Variants in CCDC149 observed in about 807,000 individuals in gnomAD.
CCDC149 encodes the protein coiled-coil domain containing 149.
In CCDC149, 45 loss-of-function variants were observed where a neutral mutation model predicts 59.9. The ratio of observed to expected loss-of-function variants is 0.75; its 90% CI spans 0.59 to 0.96. The LOEUF is 0.96. CCDC149 is among the 40% of genes least tolerant of loss of function. The pLI is 0.00. For synonymous variants in CCDC149, 245 were observed against 260.6 expected (o/e 0.94, Z 0.58); for missense variants, 584 against 664.7 (o/e 0.88, Z 1.33).
At chr4:24,909,449 C>A (rs1721741320) in intron 1 of CCDC149, among the ~76,000 whole-genome samples, 1 of 152,206 alleles carries the variant, frequency 6.6e-6, no homozygotes, top group African/African-American at 2.4e-5. Context: ...ACCCATGGAA[C>A]CCCTGCCAGC....
intron 1 of CCDC149, among the ~76,000 whole-genome samples, chr4:24,879,410 A>C (rs1357796683): frequency 6.6e-6 from 1 of 151,774 alleles, no homozygotes; most frequent in African/African-American, 2.4e-5. Context: ...CCAGCTACTG[A>C]GGAAGCTGAG....
chr4:24,955,080 C>A (rs1219846039), intron 1 of CCDC149, among the ~76,000 whole-genome samples: 1 of 152,024 alleles, frequency 6.6e-6, no homozygotes, highest in Non-Finnish European at 1.5e-5. Flanking sequence ...TTGTCTTACT[C>A]CATTTGTGTT....
chr4:24,804,841 A>G (rs557918673), downstream of CCDC149, among the ~76,000 whole-genome samples: 6 of 152,328 alleles, frequency 3.9e-5, no homozygotes, highest in East Asian at 1.2e-3. Context: ...GGGAGGTCAC[A>G]GAAGAGGAGC....
intron 1 of CCDC149, among the ~76,000 whole-genome samples, chr4:24,909,015 C>T (rs1254432460): frequency 2.0e-5 from 3 of 152,198 alleles, no homozygotes; most frequent in East Asian, 1.9e-4. Flanking sequence ...CCTCCCCAGA[C>T]ATTTAATTTC....
intron 1 of CCDC149, among the ~76,000 whole-genome samples, chr4:24,902,798 G>A (rs531069514): frequency 6.6e-6 from 1 of 152,154 alleles, no homozygotes; most frequent in Non-Finnish European, 1.5e-5. Context: ...TGAGACTGAT[G>A]GATAGCTTTG....
Position 24,899,181 on chromosome 4 carries a change from C to T in CCDC149, c.63+13636G>A, listed in dbSNP as rs577314310. Among the ~76,000 whole-genome samples, 237 of 152,210 alleles carry T rather than the reference C, an allele frequency of 1.6e-3. 1 individual carries two copies. The highest frequency in any genetic ancestry group is 5.1e-3 in the African/African-American group (210 of 41,500). The stretch of plus-strand genomic sequence containing the variant: ...CAGTGAAAGAGTGGGAATGGTGACA[C>T]GGATGCCCTATTTAAGGACTTGTTC... On this transcript the variant is annotated intron_variant, in intron 1 of 12. Transcript: ENST00000635206.
chr4:24,879,617 G>A (rs6856549), intron 1 of CCDC149, among the ~76,000 whole-genome samples: 27,063 of 150,922 alleles, frequency 0.18, 2,557 homozygotes, highest in Admixed American at 0.26. Context: ...CTCGGGAGGC[G>A]GAGGTTGCAG....
At chr4:24,875,452 T>C (rs1719351792) in intron 2 of CCDC149, among the ~76,000 whole-genome samples, 1 of 151,914 alleles carries the variant, frequency 6.6e-6, no homozygotes, top group Non-Finnish European at 1.5e-5. Context: ...GAAAACAGCA[T>C]GTTTTATTAT....
At chr4:24,949,628 C>T (rs1196053864) in intron 1 of CCDC149, among the ~76,000 whole-genome samples, 2 of 152,134 alleles carry the variant, frequency 1.3e-5, no homozygotes, top group Non-Finnish European at 2.9e-5. Flanking sequence ...CACACATTTG[C>T]AAACACACAA....
rs984001908 is a variant in CCDC149, at chr4:24,838,343, A to G, written c.373-71T>C. On this transcript the variant is annotated intron_variant, in intron 4 of 12. Coordinates refer to ENST00000635206, the MANE Select transcript of CCDC149 (RefSeq NM_001330643.2). ...CAGATCCAAATAAAAACCAAAGGAC[A>G]CTAAGAAACTTTTGGAAGATAAGAT... The G allele has an allele frequency of 3.6e-6, 4 of 1,102,804 alleles. No homozygotes were observed. The African/African-American group carries it at 6.2e-5, about 17-fold the overall frequency. The allele number at this position is 1,102,804 out of a possible 1,614,324, so 68.3% of individuals were successfully genotyped here.
chr4:24,965,958 T>A (rs1723784346), intron 1 of CCDC149, among the ~76,000 whole-genome samples: 1 of 152,210 alleles, frequency 6.6e-6, no homozygotes, highest in African/African-American at 2.4e-5. Context: ...TGTAAATTTA[T>A]AATTACCCTG....
At chr4:24,965,481 G>C in intron 1 of CCDC149, among the ~76,000 whole-genome samples, 1 of 143,812 alleles carries the variant, frequency 7.0e-6, no homozygotes, top group Non-Finnish European at 1.5e-5. Context: ...TGAAGTTAAC[G>C]ACAGAAAAAT....
intron 1 of CCDC149, among the ~76,000 whole-genome samples, chr4:24,931,829 G>GTATATACATATATATATATA (rs1553862488): frequency 1.3e-5 from 1 of 76,908 alleles, no homozygotes; most frequent in Non-Finnish European, 2.4e-5. Flanking sequence ...TGGAGAGTAT[G>GTATATACATATATATATATA]TATATATATA....
At chr4:24,863,904 A>G (rs1467758477) in intron 3 of CCDC149, among the ~76,000 whole-genome samples, 1 of 152,270 alleles carries the variant, frequency 6.6e-6, no homozygotes, top group African/African-American at 2.4e-5. Flanking sequence ...TGCAGGACAC[A>G]GCGGTAAGGA....
At chr4:24,975,212 T>A (rs1724126741) in intron 1 of CCDC149, among the ~76,000 whole-genome samples, 3 of 151,780 alleles carry the variant, frequency 2.0e-5, no homozygotes, top group Admixed American at 2.0e-4. Context: ...CAATCTCAGG[T>A]ATTCTATGAT....
At position 24,825,979 on chromosome 4, in the gene CCDC149, G is replaced by A. The variant is rs141257821; in HGVS notation, c.966-3406C>T. On this transcript the variant is annotated intron_variant, in intron 9 of 12. Transcript: ENST00000635206. ...TGTTTTGTTTTGTTTTTTAAGAGACGTAGTCTTACTCTGTTGCTCAGGCTG... is the reference window on the plus strand; with the variant it reads ...TGTTTTGTTTTGTTTTTTAAGAGACATAGTCTTACTCTGTTGCTCAGGCTG... Among the ~76,000 whole-genome samples the A allele has an allele frequency of 7.0e-3, 1,067 of 152,018 alleles. 7 individuals are homozygous for A. Among genetic ancestry groups the A allele is most frequent in the Non-Finnish European group, 0.011 (741 of 67,958 alleles).
chr4:24,848,011 T>C (rs963797334), intron 4 of CCDC149, among the ~76,000 whole-genome samples: 1 of 152,150 alleles, frequency 6.6e-6, no homozygotes, highest in African/African-American at 2.4e-5. Flanking sequence ...TTACCTGAGG[T>C]CAACCGTGGT....
intron 1 of CCDC149, among the ~76,000 whole-genome samples, chr4:24,975,204 A>G (rs992335296): frequency 6.6e-6 from 1 of 151,858 alleles, no homozygotes; most frequent in Non-Finnish European, 1.5e-5. Context: ...TAATTACCCA[A>G]TCTCAGGTAT....
chr4:24,924,466 C>A lies in CCDC149; in HGVS notation c.-64-29348G>T, dbSNP rs182193913. Reference sequence around the variant, plus strand: ...TGGCTCTGCTCCATGAAGCATGAGGCCTCAGCTGAGAAGATTCAGAGTGTG... The same window carrying A: ...TGGCTCTGCTCCATGAAGCATGAGGACTCAGCTGAGAAGATTCAGAGTGTG... On this transcript the variant is annotated intron_variant, in intron 1 of 12. Transcript: ENST00000389609. Among the ~76,000 whole-genome samples, 473 of 152,272 alleles carry A rather than the reference C, an allele frequency of 3.1e-3. 6 individuals carry two copies. Among genetic ancestry groups the A allele is most frequent in the African/African-American group, 0.011 (452 of 41,558 alleles).
Sources: allele counts gnomAD v4.1 joint callset (sites outside exome capture counted in the v4.1 genomes callset), GRCh38; gene constraint gnomAD v4.1.1; transcripts MANE v1.5; gene names NCBI Gene and HGNC (gene_info 2026-07-23, HGNC 2026-07-21).